Variants in RYR3 observed in about 807,000 individuals in gnomAD.
RYR3 encodes brain ryanodine receptor-calcium release channel.
Under a neutral mutation model 584.3 loss-of-function variants are expected in RYR3, and 207 were observed. The observed-to-expected ratio is 0.35, with a 90% CI of 0.32 to 0.40. The LOEUF (loss-of-function observed/expected upper bound fraction) is 0.40. Among genes scored for constraint, RYR3 ranks in the 10% least tolerant of loss-of-function variants. RYR3 has a pLI of 1.00. For missense variants in RYR3, 5,616 were observed against 6,089.2 expected (o/e 0.92, Z 2.59); for synonymous variants, 2,416 against 2,248.5 (o/e 1.07, Z -2.11).
intron 16 of RYR3, among the ~76,000 whole-genome samples, chr15:33,594,751 GC>G (rs2059291868): frequency 6.6e-6 from 1 of 152,194 alleles, no homozygotes; most frequent in East Asian, 1.9e-4. Context: ...AAACAAGACA[GC>G]TTTTTGTGGA....
At chr15:33,314,163 T>C (rs1374617040) in intron 1 of RYR3, among the ~76,000 whole-genome samples, 1 of 152,200 alleles carries the variant, frequency 6.6e-6, no homozygotes, top group African/African-American at 2.4e-5. Flanking sequence ...TAAAACTATA[T>C]ACCCTCTTCT....
intron 32 of RYR3, among the ~76,000 whole-genome samples, chr15:33,655,621 C>T (rs1421782765): frequency 6.6e-6 from 1 of 152,122 alleles, no homozygotes; most frequent in Non-Finnish European, 1.5e-5. Flanking sequence ...CCTTCCTCCA[C>T]CCTGTGCATA....
At chr15:33,629,237 T>C (rs1178449119) in intron 21 of RYR3, among the ~76,000 whole-genome samples, 1 of 152,210 alleles carries the variant, frequency 6.6e-6, no homozygotes, top group African/African-American at 2.4e-5. Flanking sequence ...CAAATGTTTG[T>C]TGAAAGAATG....
chr15:33,742,260 T>C (rs564820366), intron 51 of RYR3, 106 bp from the exon 52 acceptor site: 168 of 752,616 alleles, frequency 2.2e-4, no homozygotes, highest in Non-Finnish European at 3.3e-4. Flanking sequence ...GGCTGGCTGA[T>C]CAAATCCACC....
chr15:33,453,221 A>G (rs2047273755), intron 1 of RYR3, among the ~76,000 whole-genome samples: 1 of 152,194 alleles, frequency 6.6e-6, no homozygotes, highest in Non-Finnish European at 1.5e-5. Context: ...TAAGTGCTAT[A>G]TTAAAGTAAG....
rs939833240 is a variant in RYR3 at position 33,503,573 on chromosome 15, C to G, written c.172-58C>G. On this transcript the variant is annotated intron_variant, in intron 2 of 103. Coordinates refer to ENST00000634891, the MANE Select transcript of RYR3 (RefSeq NM_001036.6). ...GCTCTTTGCCCTTGAGATGTTGTTG[C>G]GTGACTGATCTCTGACTGATATGAG... 7 of 998,264 alleles carry G rather than the reference C, an allele frequency of 7.0e-6. No homozygotes were observed. In the East Asian group the frequency reaches 1.8e-4, roughly 25 times the overall value. 61.8% of individuals were successfully genotyped at this position (998,264 alleles called of 1,614,324 possible). A position where few individuals can be genotyped will look rare whatever the true frequency, so the allele number is the denominator to read the frequency against.
At chr15:33,793,376 G>A (rs1288710333) in intron 67 of RYR3, among the ~76,000 whole-genome samples, 1 of 152,078 alleles carries the variant, frequency 6.6e-6, no homozygotes, top group East Asian at 1.9e-4. Context: ...AGCACCTCCT[G>A]TCTCCCCAGA....
At chr15:33,459,667 G>C (rs1379133260) in intron 1 of RYR3, among the ~76,000 whole-genome samples, 1 of 152,124 alleles carries the variant, frequency 6.6e-6, no homozygotes. Context: ...GGCTGAAAAT[G>C]GTGATGAAGT....
chr15:33,674,414 T>C (rs1033622446), intron 38 of RYR3, among the ~76,000 whole-genome samples: 10 of 152,208 alleles, frequency 6.6e-5, no homozygotes, highest in African/African-American at 1.9e-4. Flanking sequence ...ACCCCTTCCA[T>C]ATTGTGGAAT....
intron 38 of RYR3, among the ~76,000 whole-genome samples, chr15:33,686,581 C>A (rs2065024911): frequency 6.6e-6 from 1 of 152,152 alleles, no homozygotes; most frequent in African/African-American, 2.4e-5. Context: ...TTTTATGAGG[C>A]CAGCATCATC....
chr15:33,516,844 T>C lies in RYR3; in HGVS notation c.279+13106T>C, dbSNP rs116023448. On this transcript the variant is annotated intron_variant, in intron 3 of 103. Transcript: ENST00000634891. ...GTAACCCATGAGACCTTGCACAGCA[T>C]TCTCTCCCAGATGGAGCTTCTGCAA... Among the ~76,000 whole-genome samples the C allele has an allele frequency of 4.1e-3, 621 of 152,082 alleles. 1 individual carries two copies. Among genetic ancestry groups the C allele is most frequent in the Middle Eastern group, 0.014 (4 of 294 alleles).
At position 33,662,815 on chromosome 15, in the gene RYR3, C is replaced by G. The variant is rs1566904247; in HGVS notation, c.5285C>G (p.Thr1762Arg). ...GTGTTTGGGGAGCATAGTGCGGGGA[C>G]AGAGGAGGGAGCAGAAAAGGAGGAA... ...PSVFGEHSAG[T>R]EEGAEKEEVT... Residue 1762 changes from threonine to arginine, a missense_variant, in exon 35 of 104, where the codon ACA becomes AGA. Around this residue, in one of 9 missense-constraint regions of RYR3, gnomAD observed 753 missense variants for 741.0 expected, o/e 1.02. Transcript: ENST00000634891. The G allele has an allele frequency of 1.2e-6, 2 of 1,613,822 alleles. No homozygotes were observed. Among genetic ancestry groups the G allele is most frequent in the Non-Finnish European group, 1.7e-6 (2 of 1,179,866 alleles).
chr15:33,631,874 T>A (rs1595898312), intron 23 of RYR3, among the ~76,000 whole-genome samples: 3 of 152,228 alleles, frequency 2.0e-5, no homozygotes, highest in African/African-American at 7.2e-5. Context: ...ACAGGTGTCA[T>A]CATTACTTAG....
intron 69 of RYR3, among the ~76,000 whole-genome samples, chr15:33,806,749 T>C (rs1338449788): frequency 2.0e-5 from 3 of 147,738 alleles, no homozygotes; most frequent in Non-Finnish European, 4.5e-5. Context: ...TAATAAATCT[T>C]CTTTTTTCCT....
intron 24 of RYR3, among the ~76,000 whole-genome samples, 174 bp downstream of exon 24, chr15:33,633,282 A>C (rs1270000170): frequency 6.6e-6 from 1 of 152,232 alleles, no homozygotes; most frequent in Non-Finnish European, 1.5e-5. Flanking sequence ...AATTTGTAAT[A>C]GTCACTTCAT....
chr15:33,803,770 C>T (rs1280262511), intron 69 of RYR3, among the ~76,000 whole-genome samples: 2 of 152,218 alleles, frequency 1.3e-5, no homozygotes, highest in African/African-American at 4.8e-5. Flanking sequence ...CCACCTCATC[C>T]TCCCAGAGTG....
chr15:33,472,545 G>C (rs1252910692), intron 1 of RYR3, among the ~76,000 whole-genome samples: 1 of 152,154 alleles, frequency 6.6e-6, no homozygotes, highest in African/African-American at 2.4e-5. Flanking sequence ...TCTGTTTGCT[G>C]CTTGAAATCC....
At chr15:33,335,248 A>C (rs1970821279) in intron 1 of RYR3, among the ~76,000 whole-genome samples, 1 of 152,254 alleles carries the variant, frequency 6.6e-6, no homozygotes, top group Admixed American at 6.5e-5. Context: ...TTGCAGCACT[A>C]TTCACAATAG....
At chr15:33,540,264 T>C (rs941535668) in intron 6 of RYR3, among the ~76,000 whole-genome samples, 3 of 152,082 alleles carry the variant, frequency 2.0e-5, no homozygotes, top group African/African-American at 7.2e-5. Flanking sequence ...AAATGTACAA[T>C]GTTTCAGGAC....
Sources: gnomAD v4.1 joint callset for allele counts (sites outside exome capture counted in the v4.1 genomes callset) on GRCh38, gnomAD v4.1.1 for gene constraint, gnomAD v4.1.1 regional missense constraint, MANE v1.5 for transcripts, NCBI Gene and HGNC (gene_info 2026-07-23, HGNC 2026-07-21) for gene names.